Variants in SLC24A3 observed in about 807,000 individuals in gnomAD.
The protein encoded by SLC24A3 is sodium/potassium/calcium exchanger 3.
Under a neutral mutation model 75.8 loss-of-function variants are expected in SLC24A3, and 28 were observed. The observed-to-expected ratio is 0.37, with a 90% CI of 0.27 to 0.51. The LOEUF is 0.51. Among genes scored for constraint, SLC24A3 ranks in the 20% least tolerant of loss-of-function variants. The probability of loss-of-function intolerance (pLI) is 0.94; values close to 1 mark genes in which losing one functional copy is unlikely to be tolerated. For synonymous variants in SLC24A3, 372 were observed against 334.1 expected, an observed-to-expected ratio of 1.11 and a Z score of -1.24; for missense variants, 663 against 847.8, an observed-to-expected ratio of 0.78 and a Z score of 2.71.
At chr20:19,581,409 G>A (rs1369955501) in intron 4 of SLC24A3, among the ~76,000 whole-genome samples, 1 of 152,166 alleles carries the variant, frequency 6.6e-6, no homozygotes, top group Non-Finnish European at 1.5e-5. Flanking sequence ...CAGTACAGTT[G>A]TCAGCATGTG....
chr20:19,272,521 T>C (rs1472042688), intron 1 of SLC24A3, among the ~76,000 whole-genome samples: 1 of 152,246 alleles, frequency 6.6e-6, no homozygotes, highest in Non-Finnish European at 1.5e-5. Flanking sequence ...CAGGTGATGT[T>C]GATGCCGCTG....
intron 2 of SLC24A3, among the ~76,000 whole-genome samples, chr20:19,451,928 T>C (rs1393883205): frequency 1.3e-5 from 2 of 152,140 alleles, no homozygotes; most frequent in East Asian, 3.9e-4. Flanking sequence ...AAGAAGGAAA[T>C]GTTTACCAAG....
chr20:19,382,476 C>T (rs1986199261), intron 2 of SLC24A3, among the ~76,000 whole-genome samples: 1 of 152,130 alleles, frequency 6.6e-6, no homozygotes, highest in Non-Finnish European at 1.5e-5. Context: ...TTTTAAAAGA[C>T]AACCTAGAGA....
At chr20:19,382,635 A>G (rs918057256) in intron 2 of SLC24A3, among the ~76,000 whole-genome samples, 3 of 152,130 alleles carry the variant, frequency 2.0e-5, no homozygotes, top group Non-Finnish European at 4.4e-5. Context: ...TGTGCCAGGC[A>G]ACACCAAAAC....
At chr20:19,574,953 T>C (rs1238192367) in intron 3 of SLC24A3, among the ~76,000 whole-genome samples, 1 of 152,066 alleles carries the variant, frequency 6.6e-6, no homozygotes, top group African/African-American at 2.4e-5. Context: ...GCATTTCCCT[T>C]GCTAGATTAC....
At chr20:19,693,081 G>A in intron 12 of SLC24A3, 178 bp from the exon 13 acceptor site, 1 of 636,594 alleles carries the variant, frequency 1.6e-6, no homozygotes, top group Non-Finnish European at 2.5e-6. Flanking sequence ...GTTTGGTGTT[G>A]CATGTCAGGT....
intron 2 of SLC24A3, among the ~76,000 whole-genome samples, chr20:19,503,906 G>C (rs2122545275): frequency 6.6e-6 from 1 of 152,306 alleles, no homozygotes; most frequent in African/African-American, 2.4e-5. Flanking sequence ...AATAGGTGCA[G>C]ATCAAACAAA....
chr20:19,591,856 C>G (rs184694729), intron 6 of SLC24A3, among the ~76,000 whole-genome samples: 10 of 152,338 alleles, frequency 6.6e-5, no homozygotes, highest in African/African-American at 1.9e-4. Context: ...TGTGCACTAT[C>G]GTGTGCTGCC....
At chr20:19,710,679 A>T (rs1481967846) in intron 15 of SLC24A3, among the ~76,000 whole-genome samples, 1 of 152,350 alleles carries the variant, frequency 6.6e-6, no homozygotes, top group Middle Eastern at 3.4e-3. Flanking sequence ...TCCAAAGGTC[A>T]TTCACGGATG....
At chr20:19,393,085 T>C (rs544500302) in intron 2 of SLC24A3, among the ~76,000 whole-genome samples, 3 of 152,200 alleles carry the variant, frequency 2.0e-5, no homozygotes, top group Non-Finnish European at 4.4e-5. Context: ...CAAATTATTG[T>C]TTGTTAAATA....
intron 2 of SLC24A3, among the ~76,000 whole-genome samples, chr20:19,447,781 A>G (rs932896547): frequency 3.9e-5 from 6 of 152,182 alleles, no homozygotes; most frequent in Admixed American, 6.5e-5. Context: ...GAGCCCCACT[A>G]TGCTTTTGGA....
intron 1 of SLC24A3, among the ~76,000 whole-genome samples, chr20:19,233,330 G>A (rs1982077484): frequency 6.6e-6 from 1 of 152,206 alleles, no homozygotes; most frequent in Non-Finnish European, 1.5e-5. Context: ...TTTTGCCTAA[G>A]ATGGCAAGAA....
At chr20:19,596,006 G>A (rs952282270) in intron 6 of SLC24A3, among the ~76,000 whole-genome samples, 1 of 152,212 alleles carries the variant, frequency 6.6e-6, no homozygotes, top group Non-Finnish European at 1.5e-5. Context: ...TGGTGAAGAA[G>A]GGGAGTATGG....
intron 2 of SLC24A3, among the ~76,000 whole-genome samples, chr20:19,401,175 A>T (rs1018749001): frequency 3.9e-5 from 6 of 152,210 alleles, no homozygotes; most frequent in African/African-American, 1.4e-4. Flanking sequence ...AAGAATCATG[A>T]GACAGTTCCT....
intron 2 of SLC24A3, among the ~76,000 whole-genome samples, chr20:19,421,482 A>G (rs1365729093): frequency 6.6e-6 from 1 of 152,206 alleles, no homozygotes; most frequent in Non-Finnish European, 1.5e-5. Context: ...ATGACAGCCA[A>G]GTTTTGAGTT....
intron 3 of SLC24A3, among the ~76,000 whole-genome samples, chr20:19,542,175 T>A (rs1360345034): frequency 6.6e-6 from 1 of 152,148 alleles, no homozygotes; most frequent in African/African-American, 2.4e-5. Context: ...AATGTTGAGG[T>A]CAAGGTGAAA....
chr20:19,372,720 G>A (rs1986013097), intron 2 of SLC24A3, among the ~76,000 whole-genome samples: 1 of 152,136 alleles, frequency 6.6e-6, no homozygotes, highest in Admixed American at 6.5e-5. Flanking sequence ...TAGTTATGAA[G>A]AGTGATGGAG....
At position 19,475,340 on chromosome 20, in the gene SLC24A3, AG is replaced by A. The variant is rs370141535; in HGVS notation, c.272-40147del. Among the ~76,000 whole-genome samples the A allele has an allele frequency of 7.0e-4, 106 of 150,866 alleles. 3 individuals carry two copies. The highest frequency in any genetic ancestry group is 3.4e-3 in the Middle Eastern group (1 of 292). On this transcript the variant is annotated intron_variant, in intron 2 of 16. Coordinates refer to ENST00000328041, the MANE Select transcript of SLC24A3 (RefSeq NM_020689.4). ...GGCAACAGAGTGAGACTCTGTCTCA[AG>A]AAAAAAAAAAAAATCACATCCAAGG...
At chr20:19,655,630 T>C (rs1568686874) in intron 7 of SLC24A3, among the ~76,000 whole-genome samples, 2 of 152,298 alleles carry the variant, frequency 1.3e-5, no homozygotes, top group East Asian at 1.9e-4. Context: ...TGAGCATGAT[T>C]CAATTCACTG....
Sources: allele counts gnomAD v4.1 joint callset (sites outside exome capture counted in the v4.1 genomes callset), GRCh38; gene constraint gnomAD v4.1.1; transcripts MANE v1.5; gene names NCBI Gene and HGNC (gene_info 2026-07-23, HGNC 2026-07-21).